The following FOXK1 variants were observed in gnomAD, a reference collection of about 807,000 sequenced individuals.
FOXK1 encodes forkhead box K1, also known as forkhead box protein K1.
Under a neutral mutation model 51.9 loss-of-function variants are expected in FOXK1, and 19 were observed. The ratio of observed to expected loss-of-function variants is 0.37; its 90% confidence interval spans 0.26 to 0.54. The LOEUF is 0.54. Ranked by LOEUF, FOXK1 falls within the 20% of genes least tolerant of loss-of-function variation. The probability of loss-of-function intolerance (pLI) is 0.87; values close to 1 mark genes in which losing one functional copy is unlikely to be tolerated. For missense variants in FOXK1, 870 were observed against 1,032.7 expected, an observed-to-expected ratio of 0.84 and a Z score of 2.16; for synonymous variants, 537 against 482.6, an observed-to-expected ratio of 1.11 and a Z score of -1.48.
intron 1 of FOXK1, among the ~76,000 whole-genome samples, chr7:4,693,269 CTG>C (rs1779916299): frequency 6.6e-6 from 1 of 152,130 alleles, no homozygotes; most frequent in Non-Finnish European, 1.5e-5. Flanking sequence ...CCAATAAACT[CTG>C]TTTTTAAAAA....
rs769597835 is a variant in FOXK1 at position 4,759,356 on chromosome 7, G to A, written c.1457G>A (p.Arg486Gln). ...AQPVIMAVPP[R>Q]PSSLVAKPVA... ...CCAGTGATCATGGCCGTGCCTCCCC[G>A]ACCGTCCAGCCTCGTGGCCAAGCCC... Residue 486 changes from arginine to glutamine, a missense_variant, in exon 7 of 9, where the codon CGA becomes CAA. This residue lies in a region of FOXK1 where 457 missense variants were observed against 510.8 expected (regional missense o/e 0.89). Transcript: ENST00000328914. 1.2e-6 allele frequency: 2 copies of A among 1,602,110 alleles called. No individual in the cohort carries two copies. The highest frequency in any genetic ancestry group is 1.7e-5 in the Admixed American group (1 of 59,924).
Position 4,730,657 on chromosome 7 carries a change from G to T in FOXK1, c.561-10181G>T, listed in dbSNP as rs1780439033. On this transcript the variant is annotated intron_variant, in intron 1 of 8. Transcript: ENST00000328914. The surrounding 1 kb of genome is among the most constrained non-coding windows in gnomAD (Gnocchi z 4.7). ...TGCTGCGGGTTCGTCTGTAACCTGT[G>T]TCCCTTCACTGCCATGCACTGCTCT... Among the ~76,000 whole-genome samples the T allele has an allele frequency of 6.6e-6, 1 of 152,218 alleles. No homozygotes were observed. The highest frequency in any genetic ancestry group is 2.4e-5 in the African/African-American group (1 of 41,454).
At chr7:4,705,554 T>TCTCTCTCTCG (rs895937029) in intron 1 of FOXK1, among the ~76,000 whole-genome samples, 1,410 of 131,224 alleles carry the variant, frequency 0.011, 10 homozygotes, top group African/African-American at 0.041. Context: ...TCTCTCTCTC[T>TCTCTCTCTCG]CTCTCGCTCT....
chr7:4,687,917 G>T (rs1779841260), intron 1 of FOXK1, among the ~76,000 whole-genome samples: 1 of 152,034 alleles, frequency 6.6e-6, no homozygotes, highest in Non-Finnish European at 1.5e-5. Flanking sequence ...ATTTTGTAGA[G>T]ACAGGGTCTC....
intron 1 of FOXK1, among the ~76,000 whole-genome samples, chr7:4,736,384 C>T (rs565051586): frequency 3.6e-4 from 54 of 151,304 alleles, no homozygotes; most frequent in African/African-American, 1.3e-3. Flanking sequence ...AAACTCAATA[C>T]ATATGTACAT....
Position 4,765,438 on chromosome 7 carries a change from G to C in FOXK1, c.*2974G>C, listed in dbSNP as rs896894284. On this transcript the variant is annotated 3_prime_UTR_variant, in exon 9 of 9. Coordinates refer to ENST00000328914, the MANE Select transcript of FOXK1 (RefSeq NM_001037165.2). ...CCTCAGCCCCCAGCCTGGGCGGCCT[G>C]TGACCCTGAGCCGTGTGGAGCCAGG... The C allele has an allele frequency of 3.9e-5, 6 of 152,276 alleles. No individual in the cohort carries two copies. Among genetic ancestry groups the C allele is most frequent in the African/African-American group, 1.4e-4 (6 of 41,464 alleles). The allele number at this position is 152,276 out of a possible 1,614,324, so 9.4% of individuals were successfully genotyped here. A position where few individuals can be genotyped will look rare whatever the true frequency, so the allele number is the denominator to read the frequency against.
intron 2 of FOXK1, among the ~76,000 whole-genome samples, chr7:4,752,701 A>G (rs1780795137): frequency 6.6e-6 from 1 of 152,358 alleles, no homozygotes; most frequent in African/African-American, 2.4e-5. Flanking sequence ...GTCCCCAGCA[A>G]GGACTGACAT....
At chr7:4,739,869 C>T (rs1317820560) in intron 1 of FOXK1, among the ~76,000 whole-genome samples, 1 of 152,222 alleles carries the variant, frequency 6.6e-6, no homozygotes, top group Non-Finnish European at 1.5e-5. Context: ...GTGGCAGATC[C>T]CACCTGGGTG....
At chr7:4,751,951 AG>A (rs959461124) in intron 2 of FOXK1, among the ~76,000 whole-genome samples, 2 of 151,988 alleles carry the variant, frequency 1.3e-5, no homozygotes, top group African/African-American at 4.8e-5. Flanking sequence ...TTACTCCATG[AG>A]GTTTTTTGTT....
Position 4,722,595 on chromosome 7 carries a change from C to T in FOXK1, c.561-18243C>T, listed in dbSNP as rs185256975. 2.6e-5 allele frequency among the ~76,000 whole-genome samples: 4 copies of T among 152,376 alleles called. No homozygotes were observed. In the East Asian group the frequency reaches 5.8e-4, roughly 22 times the overall value. On this transcript the variant is annotated intron_variant, in intron 1 of 8. Transcript: ENST00000328914. The surrounding 1 kb of genome is among the most constrained non-coding windows in gnomAD (Gnocchi z 5.1). ...CACGGGCACACTCGTATACAACGGG[C>T]ACACATGCACGTCAGCCGCACACTC...
At chr7:4,704,834 C>CTTTTTTTTTT (rs775099211) in intron 1 of FOXK1, among the ~76,000 whole-genome samples, 7,948 of 130,376 alleles carry the variant, frequency 0.061, 375 homozygotes, top group Non-Finnish European at 0.077. Flanking sequence ...ATGTTTCATT[C>CTTTTTTTTTT]TTTTTTTTTT....
Position 4,745,255 on chromosome 7 carries a change from C to G in FOXK1, c.746+4232C>G, listed in dbSNP as rs1156842233. 6.6e-6 allele frequency among the ~76,000 whole-genome samples: 1 copy of G among 152,208 alleles called. No individual in the cohort carries two copies. Among genetic ancestry groups the G allele is most frequent in the Non-Finnish European group, 1.5e-5 (1 of 68,042 alleles). On this transcript the variant is annotated intron_variant, in intron 2 of 8. Transcript: ENST00000328914. The surrounding 1 kb of genome is among the most constrained non-coding windows in gnomAD (Gnocchi z 4.3). The stretch of plus-strand genomic sequence containing the variant: ...CATTCGCCTCGCCAGTCCTCATTGG[C>G]CGTGGAGTGGCTGGCTCGGTGTAGG...
rs1231575460 is a variant in FOXK1, at chr7:4,748,262, C to A, written c.747-6197C>A. ...TCTGTGTCTCTGAGTCGTATTCGTA[C>A]GTGACTGTCTCTTGGTTTTTCCGTT... is the stretch of plus-strand genomic sequence containing the variant. On this transcript the variant is annotated intron_variant, in intron 2 of 8. Coordinates refer to ENST00000328914, the MANE Select transcript of FOXK1 (RefSeq NM_001037165.2). The surrounding 1 kb of genome is among the most constrained non-coding windows in gnomAD (Gnocchi z 4.9). 6.6e-6 allele frequency among the ~76,000 whole-genome samples: 1 copy of A among 152,184 alleles called. No homozygotes were observed. The highest frequency in any genetic ancestry group is 1.5e-5 in the Non-Finnish European group (1 of 68,038).
chr7:4,725,387 A>G (rs6973046), intron 1 of FOXK1, among the ~76,000 whole-genome samples: 72,045 of 151,904 alleles, frequency 0.47, 17,898 homozygotes, highest in East Asian at 0.82. Flanking sequence ...ATGTCATCGG[A>G]TTTTTTTTCA....
In FOXK1 at chr7:4,762,260, G is replaced by C; in HGVS notation, c.1998G>C (p.Glu666Asp). The stretch of plus-strand genomic sequence containing the variant: ...CGGTGGTGGTCACCCGGGTGTGCGA[G>C]GTGGGGCCCAAGGAGCCAGCAGCAG... ...SAPVVVTRVC[E>D]VGPKEPAAAV... The change falls in exon 9 of 9, where the codon GAG becomes GAC. Residue 666 changes from glutamate (E) to aspartate (D), a missense_variant. Glu to Asp is a conservative substitution (Grantham distance 45). Coordinates refer to ENST00000328914, the MANE Select transcript of FOXK1 (RefSeq NM_001037165.2). The surrounding 1 kb of genome is among the most constrained non-coding windows in gnomAD (Gnocchi z 5.7). 1 of 1,551,716 alleles carries C rather than the reference G, an allele frequency of 6.4e-7. No individual in the cohort carries two copies. Among genetic ancestry groups the C allele is most frequent in the Non-Finnish European group, 8.7e-7 (1 of 1,147,236 alleles).
Position 4,692,187 on chromosome 7 carries a change from CTG to C in FOXK1, c.560+9321_560+9322del, listed in dbSNP as rs1194187056. Among the ~76,000 whole-genome samples, 3 of 152,220 alleles carry C rather than the reference CTG, an allele frequency of 2.0e-5. No individual in the cohort carries two copies. In the East Asian group the frequency reaches 5.8e-4, roughly 29 times the overall value. ...GAATAAGAGTTTTTTTGGTAGAACT[CTG>C]TAATGTCTGGCTTAATAGAAGACAG... On this transcript the variant is annotated intron_variant, in intron 1 of 8. Transcript: ENST00000328914.
At position 4,734,595 on chromosome 7, in the gene FOXK1, C is replaced by T. The variant is rs1053824491; in HGVS notation, c.561-6243C>T. Among the ~76,000 whole-genome samples, 1 of 152,188 alleles carries T rather than the reference C, an allele frequency of 6.6e-6. No individual in the cohort carries two copies. Among genetic ancestry groups the T allele is most frequent in the African/African-American group, 2.4e-5 (1 of 41,442 alleles). ...CCGCTGCCCAAGTGTGCGTGGGCAT[C>T]GGTGCACGGGGCTCCCTCCCTGGGG... is the stretch of plus-strand genomic sequence containing the variant. On this transcript the variant is annotated intron_variant, in intron 1 of 8. Transcript: ENST00000328914. The surrounding 1 kb of genome is among the most constrained non-coding windows in gnomAD (Gnocchi z 5.2).
In FOXK1 at chr7:4,703,315, G is replaced by T. The variant is rs1219270517; in HGVS notation, c.560+20447G>T. ...GGGAGGGAGGGGGAGGACCCGAGGG[G>T]GCAGAGCATTTAGGACATGGAGTGG... On this transcript the variant is annotated intron_variant, in intron 1 of 8. Coordinates refer to ENST00000328914, the MANE Select transcript of FOXK1 (RefSeq NM_001037165.2). This position sits in a 1 kb window ranked among gnomAD's most constrained non-coding sequence, Gnocchi z 5.6. Among the ~76,000 whole-genome samples the T allele has an allele frequency of 6.6e-6, 1 of 152,204 alleles. No homozygotes were observed. The highest frequency in any genetic ancestry group is 2.4e-5 in the African/African-American group (1 of 41,448).
Position 4,705,960 on chromosome 7 carries a change from G to GTA in FOXK1, c.560+23103_560+23104dup, listed in dbSNP as rs58287661. Among the ~76,000 whole-genome samples, 277 of 129,830 alleles carry GTA rather than the reference G, an allele frequency of 2.1e-3. 3 individuals carry two copies. The highest frequency in any genetic ancestry group is 3.1e-3 in the Non-Finnish European group (195 of 62,772). The allele number at this position is 129,830 out of a possible 152,430, so 85.2% of individuals were successfully genotyped here. On this transcript the variant is annotated intron_variant, in intron 1 of 8. Coordinates refer to ENST00000328914, the MANE Select transcript of FOXK1 (RefSeq NM_001037165.2). Reference sequence around the variant, plus strand: ...AACTTTCAAAATTATATATATATATGTATATATATATACGTATATATACGT... The same window carrying GTA: ...AACTTTCAAAATTATATATATATATGTATATATATATATACGTATATATACGT...
Sources: gnomAD v4.1 joint callset for allele counts (sites outside exome capture counted in the v4.1 genomes callset) on GRCh38, gnomAD v4.1.1 for gene constraint, gnomAD v4.1.1 regional missense constraint, Gnocchi (gnomAD v3.1) non-coding constraint, MANE v1.5 for transcripts, NCBI Gene and HGNC (gene_info 2026-07-23, HGNC 2026-07-21) for gene names.